Variants in PARP8 observed in about 807,000 individuals in gnomAD.
PARP8 encodes the protein protein mono-ADP-ribosyltransferase PARP8.
A neutral mutation model predicts 124.1 loss-of-function variants in PARP8; 51 were observed. That is an observed-to-expected ratio of 0.41 (90% CI 0.33 to 0.52). The LOEUF is 0.52. Ranked by LOEUF, PARP8 falls within the 20% of genes least tolerant of loss-of-function variation. The pLI is 0.21. For missense variants in PARP8, 860 were observed against 1,018.9 expected (o/e 0.84, Z 2.12); for synonymous variants, 391 against 361.5 (o/e 1.08, Z -0.93).
At chr5:50,695,970 A>C (rs570103142) in intron 2 of PARP8, among the ~76,000 whole-genome samples, 1 of 152,316 alleles carries the variant, frequency 6.6e-6, no homozygotes, top group South Asian at 2.1e-4. Context: ...AAAGAAATAT[A>C]TGCTCTTTAT....
At chr5:50,671,269 G>A (rs1355737744) in intron 2 of PARP8, among the ~76,000 whole-genome samples, 1 of 152,152 alleles carries the variant, frequency 6.6e-6, no homozygotes, top group African/African-American at 2.4e-5. Context: ...TGGAGTTAGT[G>A]GTAGAAGGAA....
chr5:50,820,585 A>G (rs1303126185), intron 15 of PARP8, among the ~76,000 whole-genome samples: 3 of 152,208 alleles, frequency 2.0e-5, no homozygotes, highest in Non-Finnish European at 4.4e-5. Flanking sequence ...TGGATAGAGG[A>G]GAATAGGAAG....
chr5:50,803,078 T>G (rs778968097), intron 14 of PARP8, among the ~76,000 whole-genome samples: 1 of 152,164 alleles, frequency 6.6e-6, no homozygotes, highest in Non-Finnish European at 1.5e-5. Flanking sequence ...ATGCTGGGTA[T>G]AGAATTCATG....
intron 2 of PARP8, among the ~76,000 whole-genome samples, chr5:50,707,369 T>C (rs1754257151): frequency 6.6e-6 from 1 of 152,094 alleles, no homozygotes; most frequent in Non-Finnish European, 1.5e-5. Context: ...TTTTGTATTC[T>C]GTAGAGCTTT....
chr5:50,835,039 T>G (rs1178115326), intron 25 of PARP8, 24 bp downstream of exon 25: 13 of 1,594,664 alleles, frequency 8.2e-6, no homozygotes, highest in Non-Finnish European at 1.1e-5. Context: ...CTCAAATTTG[T>G]ATATTACTGT....
At chr5:50,771,043 A>C (rs1307981194) in intron 7 of PARP8, among the ~76,000 whole-genome samples, 1 of 151,812 alleles carries the variant, frequency 6.6e-6, no homozygotes, top group Non-Finnish European at 1.5e-5. Flanking sequence ...GTAACCTATA[A>C]AAATATTACC....
intron 7 of PARP8, among the ~76,000 whole-genome samples, chr5:50,769,726 A>G (rs1218155140): frequency 1.3e-5 from 2 of 151,832 alleles, no homozygotes; most frequent in Non-Finnish European, 1.5e-5. Context: ...TGATAGAAGA[A>G]GTGAAAGAAC....
rs556386516 is a variant in PARP8, at chr5:50,843,832, G to T, written c.*1764G>T. The stretch of plus-strand genomic sequence containing the variant: ...GTTTTTAAAACATGTTTAAGCAACA[G>T]AATTATTTTTTTGAAATTAGTCTAT... On this transcript the variant is annotated 3_prime_UTR_variant, in exon 26 of 26. Transcript: ENST00000281631. The T allele has an allele frequency of 3.3e-5, 5 of 151,846 alleles. No individual in the cohort carries two copies. The highest frequency in any genetic ancestry group is 1.2e-4 in the African/African-American group (5 of 41,482). The allele number at this position is 151,846 out of a possible 1,614,324, so 9.4% of individuals were successfully genotyped here. A position where few individuals can be genotyped will look rare whatever the true frequency, so the allele number is the denominator to read the frequency against.
At chr5:50,687,647 A>G (rs1034376218) in intron 2 of PARP8, among the ~76,000 whole-genome samples, 1 of 152,204 alleles carries the variant, frequency 6.6e-6, no homozygotes, top group Non-Finnish European at 1.5e-5. Flanking sequence ...TCACGTGGCT[A>G]GGGAAGCCTC....
chr5:50,680,462 A>G (rs1227674850), intron 2 of PARP8, among the ~76,000 whole-genome samples: 1 of 152,156 alleles, frequency 6.6e-6, no homozygotes, highest in Non-Finnish European at 1.5e-5. Flanking sequence ...GTGTCTGTTT[A>G]CAACATAAAA....
intron 2 of PARP8, among the ~76,000 whole-genome samples, chr5:50,734,145 T>A (rs1222716579): frequency 1.3e-5 from 2 of 152,212 alleles, no homozygotes; most frequent in Non-Finnish European, 2.9e-5. Context: ...TTGAGCTCCA[T>A]CTTCCTTTTT....
chr5:50,707,006 C>G (rs970622705), intron 2 of PARP8, among the ~76,000 whole-genome samples: 2 of 152,124 alleles, frequency 1.3e-5, no homozygotes, highest in Non-Finnish European at 2.9e-5. Context: ...ACAATTTACA[C>G]AAAAATCTAT....
chr5:50,695,119 C>A (rs1440016978), intron 2 of PARP8, among the ~76,000 whole-genome samples: 7 of 152,090 alleles, frequency 4.6e-5, no homozygotes, highest in African/African-American at 1.4e-4. Flanking sequence ...ACAGACACAC[C>A]CAAGAACAAT....
chr5:50,739,073 G>T, intron 2 of PARP8: 4 of 702,486 alleles, frequency 5.7e-6, no homozygotes, highest in Non-Finnish European at 1.0e-5. Flanking sequence ...GGAGGAGCAA[G>T]AGACTTCCCA....
At chr5:50,741,956 A>G in intron 2 of PARP8, 1 of 397,590 alleles carries the variant, frequency 2.5e-6, no homozygotes, top group Non-Finnish European at 4.9e-6. Context: ...TTACAGGTGC[A>G]CACAACCACG....
intron 10 of PARP8, among the ~76,000 whole-genome samples, chr5:50,789,826 G>A (rs1184953228): frequency 6.6e-6 from 1 of 152,108 alleles, no homozygotes; most frequent in Non-Finnish European, 1.5e-5. Context: ...TCATAATGAT[G>A]CAGTCTATAT....
chr5:50,810,458 T>G (rs182273512), intron 14 of PARP8, among the ~76,000 whole-genome samples: 83 of 152,202 alleles, frequency 5.5e-4, no homozygotes, highest in Middle Eastern at 3.4e-3. Flanking sequence ...TAGCACATTC[T>G]GTGTAAATAA....
intron 3 of PARP8, among the ~76,000 whole-genome samples, chr5:50,755,589 T>C (rs147138910): frequency 2.6e-3 from 393 of 152,312 alleles, no homozygotes; most frequent in African/African-American, 8.9e-3. Context: ...TGTAGCCTTA[T>C]AGTATAGTTT....
At chr5:50,700,753 G>A (rs1301033146) in intron 2 of PARP8, among the ~76,000 whole-genome samples, 2 of 152,060 alleles carry the variant, frequency 1.3e-5, no homozygotes, top group Admixed American at 6.6e-5. Flanking sequence ...TCAAAATTAC[G>A]TTTTTCTTCC....
Sources: gnomAD v4.1 joint callset for allele counts (sites outside exome capture counted in the v4.1 genomes callset) on GRCh38, gnomAD v4.1.1 for gene constraint, MANE v1.5 for transcripts, NCBI Gene and HGNC (gene_info 2026-07-23, HGNC 2026-07-21) for gene names.